Variants in KPNA1 observed in about 807,000 individuals in gnomAD.
KPNA1 encodes importin subunit alpha-5.
A neutral mutation model predicts 70.5 loss-of-function variants in KPNA1; 10 were observed. The ratio of observed to expected loss-of-function variants is 0.14; its 90% CI spans 0.09 to 0.24. The LOEUF (loss-of-function observed/expected upper bound fraction) is 0.24, where lower values mean the gene tolerates loss of function less well. Among genes scored for constraint, KPNA1 ranks in the 10% least tolerant of loss-of-function variants. The probability of loss-of-function intolerance (pLI) is 1.00; values close to 1 mark genes in which losing one functional copy is unlikely to be tolerated. For missense variants in KPNA1, 397 were observed against 637.9 expected (o/e 0.62, Z 4.07); for synonymous variants, 192 against 221.9 (o/e 0.87, Z 1.20).
At chr3:122,505,831 A>C (rs2076884462) in intron 1 of KPNA1, among the ~76,000 whole-genome samples, 1 of 152,202 alleles carries the variant, frequency 6.6e-6, no homozygotes, top group South Asian at 2.1e-4. Flanking sequence ...AGCCTGGCTC[A>C]AGTCTGTGTC....
rs1346587009 is a variant in KPNA1, at chr3:122,426,212, A to G, written c.*773T>C. On this transcript the variant is annotated 3_prime_UTR_variant, in exon 14 of 14. Transcript: ENST00000344337. Reference sequence around the variant, plus strand: ...AACCACTTCCAAATTCTAAGACACAAAAGACCAAAGAGAAGCAAAAGCGAT... The same window carrying G: ...AACCACTTCCAAATTCTAAGACACAGAAGACCAAAGAGAAGCAAAAGCGAT... 1 of 152,596 alleles carries G rather than the reference A, an allele frequency of 6.6e-6. No individual in the cohort carries two copies. The highest frequency in any genetic ancestry group is 2.1e-4 in the South Asian group (1 of 4,836). 9.5% of individuals were successfully genotyped at this position (152,596 alleles called of 1,614,324 possible). A position where few individuals can be genotyped will look rare whatever the true frequency, so the allele number is the denominator to read the frequency against.
intron 12 of KPNA1, among the ~76,000 whole-genome samples, chr3:122,431,146 G>C (rs577046658): frequency 1.3e-5 from 2 of 152,188 alleles, no homozygotes; most frequent in South Asian, 2.1e-4. Flanking sequence ...TAAAATTCTA[G>C]ATGTTTCCTA....
chr3:122,466,376 C>G (rs1005534430), intron 3 of KPNA1, among the ~76,000 whole-genome samples: 2 of 151,852 alleles, frequency 1.3e-5, no homozygotes, highest in Non-Finnish European at 2.9e-5. Flanking sequence ...AAAGATTTTT[C>G]TTCATTTTTT....
intron 2 of KPNA1, among the ~76,000 whole-genome samples, chr3:122,467,702 A>T (rs1425537433): frequency 6.6e-6 from 1 of 152,050 alleles, no homozygotes; most frequent in East Asian, 1.9e-4. Context: ...AAAAAAAAAA[A>T]GGTTGGAAAA....
chr3:122,476,861 CAAAAAAA>C (rs144118691), intron 2 of KPNA1, among the ~76,000 whole-genome samples: 44 of 65,504 alleles, frequency 6.7e-4, no homozygotes, highest in East Asian at 2.5e-3. Context: ...GGAGGTTCCA[CAAAAAAA>C]AAAAAAAAAA....
At chr3:122,458,464 G>A (rs1489438230) in intron 5 of KPNA1, among the ~76,000 whole-genome samples, 3 of 152,182 alleles carry the variant, frequency 2.0e-5, no homozygotes, top group Non-Finnish European at 4.4e-5. Flanking sequence ...ACTGACTTGG[G>A]AAGCCAGAAA....
chr3:122,433,938 C>G (rs913425467), intron 11 of KPNA1, 150 bp from the exon 12 acceptor site: 12 of 633,970 alleles, frequency 1.9e-5, no homozygotes, highest in Non-Finnish European at 3.0e-5. Context: ...TATCTCTAAC[C>G]TTTTTTTTTC....
In KPNA1 at chr3:122,508,726, C is replaced by A. The variant is rs1576353491; in HGVS notation, c.-6+6031G>T. Among the ~76,000 whole-genome samples the A allele has an allele frequency of 2.6e-5, 4 of 152,064 alleles. No individual in the cohort carries two copies. In the South Asian group the frequency reaches 8.3e-4, roughly 32 times the overall value. On this transcript the variant is annotated intron_variant, in intron 1 of 13. Transcript: ENST00000344337. ...CCTCCACCCACCACAAAAAAAATGGCCACCAGCTACTCTCTTCACCCTTCA... is the reference window on the plus strand; with the variant it reads ...CCTCCACCCACCACAAAAAAAATGGACACCAGCTACTCTCTTCACCCTTCA...
chr3:122,480,257 G>C (rs1185920689), intron 2 of KPNA1, among the ~76,000 whole-genome samples: 2 of 150,452 alleles, frequency 1.3e-5, no homozygotes, highest in African/African-American at 2.4e-5. Flanking sequence ...CACCAGGAAT[G>C]AATCTTAATA....
chr3:122,453,747 G>C (rs1193568013), intron 6 of KPNA1, 123 bp downstream of exon 6: 1 of 797,196 alleles, frequency 1.3e-6, no homozygotes, highest in East Asian at 2.9e-5. Context: ...ATGTTGGCTA[G>C]GCTGGTCTCG....
At chr3:122,445,904 A>G (rs1417660024) in intron 9 of KPNA1, among the ~76,000 whole-genome samples, 1 of 152,202 alleles carries the variant, frequency 6.6e-6, no homozygotes, top group African/African-American at 2.4e-5. Flanking sequence ...TTAAACCAAC[A>G]AAGATCAAAA....
At chr3:122,474,389 T>C (rs2076475262) in intron 2 of KPNA1, among the ~76,000 whole-genome samples, 1 of 152,074 alleles carries the variant, frequency 6.6e-6, no homozygotes. Context: ...CAACAAAATA[T>C]TGAAGGAAAA....
intron 1 of KPNA1, among the ~76,000 whole-genome samples, chr3:122,513,140 C>G (rs2076974426): frequency 6.6e-6 from 1 of 152,156 alleles, no homozygotes. Flanking sequence ...ATGGCAGTAA[C>G]TTTGGGTTCT....
chr3:122,443,049 C>T (rs928206823), intron 9 of KPNA1: 10 of 152,286 alleles, frequency 6.6e-5, no homozygotes, highest in Non-Finnish European at 1.5e-4. Context: ...CCTTTCCTAG[C>T]CAAGGGAAGC....
intron 12 of KPNA1, among the ~76,000 whole-genome samples, chr3:122,430,981 T>C (rs75077015): frequency 1.1e-3 from 170 of 152,324 alleles, no homozygotes; most frequent in African/African-American, 3.8e-3. Context: ...CTCTCACTTT[T>C]CCTCATGCTA....
At chr3:122,499,722 G>A (rs2076804168) in intron 1 of KPNA1, among the ~76,000 whole-genome samples, 1 of 149,380 alleles carries the variant, frequency 6.7e-6, no homozygotes, top group African/African-American at 2.5e-5. Flanking sequence ...TCACACCACT[G>A]TACTCCAGCC....
At chr3:122,454,092 A>C in intron 5 of KPNA1, 91 bp from the exon 6 acceptor site, 5 of 855,200 alleles carry the variant, frequency 5.8e-6, no homozygotes, top group Non-Finnish European at 6.9e-6. Context: ...TGAAAAAAAG[A>C]TTCTGAGATC....
At chr3:122,508,673 CA>C (rs1432458594) in intron 1 of KPNA1, among the ~76,000 whole-genome samples, 3 of 152,080 alleles carry the variant, frequency 2.0e-5, no homozygotes, top group African/African-American at 7.2e-5. Context: ...CTGACTAGCC[CA>C]AGAGAAACAA....
chr3:122,444,827 A>G (rs1426440938), intron 9 of KPNA1, among the ~76,000 whole-genome samples: 1 of 152,232 alleles, frequency 6.6e-6, no homozygotes, highest in East Asian at 1.9e-4. Flanking sequence ...GTTAGAAGGA[A>G]AACGAATAAG....
Sources: allele counts gnomAD v4.1 joint callset (sites outside exome capture counted in the v4.1 genomes callset), GRCh38; gene constraint gnomAD v4.1.1; transcripts MANE v1.5; gene names NCBI Gene and HGNC (gene_info 2026-07-23, HGNC 2026-07-21).